The following CDC20B variants were observed in gnomAD, a reference collection of about 807,000 sequenced individuals.
CDC20B encodes the protein cell division cycle 20B.
CDC20B carries 58 observed loss-of-function variants against 64.1 expected under a neutral mutation model. That is an observed-to-expected ratio of 0.90 (90% CI 0.73 to 1.13). The LOEUF is 1.13. CDC20B is among the 50% of genes most tolerant of loss of function. The pLI is 0.00. For missense variants in CDC20B, 597 were observed against 633.0 expected, an observed-to-expected ratio of 0.94 and a Z score of 0.61; for synonymous variants, 243 against 230.6, an observed-to-expected ratio of 1.05 and a Z score of -0.49.
chr5:55,153,507 G>T (rs1743729608), intron 2 of CDC20B, among the ~76,000 whole-genome samples: 1 of 152,028 alleles, frequency 6.6e-6, no homozygotes, highest in South Asian at 2.1e-4. Context: ...ATTTTTCATG[G>T]TTCTCCAATA....
intron 3 of CDC20B, among the ~76,000 whole-genome samples, chr5:55,145,323 C>T (rs3104237): frequency 0.76 from 116,321 of 152,186 alleles, 45,417 homozygotes; most frequent in Admixed American, 0.86. Flanking sequence ...ATCTGGGCTC[C>T]CTTTCAATCT....
chr5:55,153,438 T>C (rs1743727194), intron 2 of CDC20B, among the ~76,000 whole-genome samples: 1 of 152,100 alleles, frequency 6.6e-6, no homozygotes, highest in Non-Finnish European at 1.5e-5. Flanking sequence ...TTGTTAGTGA[T>C]CTATGAGCAA....
At chr5:55,161,255 G>A in intron 2 of CDC20B, 1 of 1,612,640 alleles carries the variant, frequency 6.2e-7, no homozygotes, top group South Asian at 1.1e-5. Context: ...ATTTCTTGTT[G>A]GTAAATATCT....
At chr5:55,127,989 G>A (rs1286045810) in intron 7 of CDC20B, among the ~76,000 whole-genome samples, 2 of 152,042 alleles carry the variant, frequency 1.3e-5, no homozygotes, top group Non-Finnish European at 2.9e-5. Flanking sequence ...TGATACATGA[G>A]AAATCAGATA....
intron 2 of CDC20B, among the ~76,000 whole-genome samples, chr5:55,169,663 A>T (rs972254206): frequency 1.3e-5 from 2 of 152,156 alleles, no homozygotes; most frequent in Non-Finnish European, 2.9e-5. Context: ...AATGTAAACC[A>T]TCCCCCACCC....
chr5:55,151,620 G>A (rs1346041609), intron 2 of CDC20B, among the ~76,000 whole-genome samples: 3 of 152,218 alleles, frequency 2.0e-5, no homozygotes, highest in Non-Finnish European at 2.9e-5. Context: ...GAAGTTGCAC[G>A]TTAACAATAT....
chr5:55,144,494 T>C (rs910830104), intron 3 of CDC20B, among the ~76,000 whole-genome samples: 1 of 152,218 alleles, frequency 6.6e-6, no homozygotes, highest in African/African-American at 2.4e-5. Context: ...ATGAGCTTGA[T>C]AAATTCTCAC....
chr5:55,166,229 A>G (rs1744377515), intron 2 of CDC20B: 1 of 152,404 alleles, frequency 6.6e-6, no homozygotes, highest in Non-Finnish European at 1.5e-5. Context: ...CAGATGGATG[A>G]TAATGGAGCT....
intron 5 of CDC20B, among the ~76,000 whole-genome samples, chr5:55,138,145 C>CA (rs945216111): frequency 1.8e-5 from 2 of 110,996 alleles, no homozygotes; most frequent in African/African-American, 6.8e-5. Flanking sequence ...ATGTATGAAA[C>CA]AAAAAAATAG....
chr5:55,136,715 G>A (rs1295438425), intron 5 of CDC20B: 3 of 152,298 alleles, frequency 2.0e-5, no homozygotes. Context: ...AATGTAGCAG[G>A]CAAGTTTCCT....
At chr5:55,119,964 C>T (rs1554048701) in intron 10 of CDC20B, 46 bp from the exon 11 acceptor site, 2 of 1,378,838 alleles carry the variant, frequency 1.5e-6, no homozygotes, top group Admixed American at 3.4e-5. Flanking sequence ...TTTCTGATTC[C>T]TTATGAATAT....
chr5:55,125,761 T>C (rs987357485), intron 8 of CDC20B, among the ~76,000 whole-genome samples: 2 of 152,250 alleles, frequency 1.3e-5, no homozygotes, highest in African/African-American at 4.8e-5. Flanking sequence ...CAAAGTCCAG[T>C]GTCGCATTGT....
At chr5:55,116,277 C>G (rs1742625077) in intron 11 of CDC20B, among the ~76,000 whole-genome samples, 1 of 152,142 alleles carries the variant, frequency 6.6e-6, no homozygotes, top group South Asian at 2.1e-4. Context: ...GTGGCACACG[C>G]CTGCAGTCCC....
At chr5:55,139,406 G>T (rs1455822432) in intron 5 of CDC20B, among the ~76,000 whole-genome samples, 1 of 152,172 alleles carries the variant, frequency 6.6e-6, no homozygotes, top group African/African-American at 2.4e-5. Context: ...AAAGCAGCCT[G>T]TTCAGCAGGC....
intron 2 of CDC20B, chr5:55,159,985 C>T (rs1743945698): frequency 1.9e-6 from 1 of 531,822 alleles, no homozygotes; most frequent in African/African-American, 1.9e-5. Flanking sequence ...ATTATAATTA[C>T]ATCACAAATA....
chr5:55,126,885 T>C (rs1414366), intron 8 of CDC20B, among the ~76,000 whole-genome samples: 148,125 of 152,288 alleles, frequency 0.97, 72,075 homozygotes, highest in East Asian at 1. Context: ...TGGAAATGTG[T>C]CCCAGAGAGC....
At chr5:55,128,712 C>T (rs961575224) in intron 6 of CDC20B, 95 bp from the exon 7 acceptor site, 1 of 867,144 alleles carries the variant, frequency 1.2e-6, no homozygotes, top group Non-Finnish European at 1.7e-6. Flanking sequence ...AAGAATAATA[C>T]CATCCCCATG....
chr5:55,140,952 G>A (rs1330894820), intron 4 of CDC20B, among the ~76,000 whole-genome samples: 2 of 152,160 alleles, frequency 1.3e-5, no homozygotes, highest in African/African-American at 4.8e-5. Flanking sequence ...ATAACTGTTG[G>A]AATTTCCTAA....
At chr5:55,130,964 A>T (rs1743013950) in intron 6 of CDC20B, among the ~76,000 whole-genome samples, 1 of 152,106 alleles carries the variant, frequency 6.6e-6, no homozygotes, top group African/African-American at 2.4e-5. Context: ...TCTATAAAAA[A>T]TCAAAAAATT....
Sources: allele counts gnomAD v4.1 joint callset (sites outside exome capture counted in the v4.1 genomes callset), GRCh38; gene constraint gnomAD v4.1.1; transcripts MANE v1.5; gene names NCBI Gene and HGNC (gene_info 2026-07-23, HGNC 2026-07-21).